TRIM65: variants seen among roughly 807,000 people sequenced by gnomAD.
The protein encoded by TRIM65 is tripartite motif containing 65.
A neutral mutation model predicts 36.1 loss-of-function variants in TRIM65; 46 were observed. That is an observed-to-expected ratio of 1.27 (90% CI 1.01 to 1.63). TRIM65 has a LOEUF of 1.63. Among genes scored for constraint, TRIM65 ranks in the 40% most tolerant of loss-of-function variants. The probability of loss-of-function intolerance (pLI) is 0.00; values close to 1 mark genes in which losing one functional copy is unlikely to be tolerated. For missense variants in TRIM65, 708 were observed against 696.6 expected (o/e 1.02, Z -0.18); for synonymous variants, 346 against 313.6 (o/e 1.10, Z -1.09).
rs757066892 is a variant in TRIM65, at chr17:75,890,949, G to C, written c.1384C>G (p.Leu462Val). 7.7e-6 allele frequency: 12 copies of C among 1,557,208 alleles called. No individual in the cohort carries two copies. Among genetic ancestry groups the C allele is most frequent in the African/African-American group, 2.7e-5 (2 of 73,204 alleles). ...GMDLDLASGC[L>V]TFYSLEPQTQ... is the part of the protein sequence containing the mutation. The stretch of plus-strand genomic sequence containing the variant: ...TGGGGCTCCAGGCTGTAGAAGGTGA[G>C]GCAGCCTGAGGCCAGGTCCAAATCC... Residue 462 changes from leucine to valine, a missense_variant, in exon 6 of 6, where the codon CTC becomes GTC. Coordinates refer to ENST00000269383, the MANE Select transcript of TRIM65 (RefSeq NM_173547.4).
downstream of TRIM65, among the ~76,000 whole-genome samples, chr17:75,888,673 G>A (rs1380656595): frequency 2.6e-5 from 4 of 152,206 alleles, no homozygotes; most frequent in African/African-American, 4.8e-5. Context: ...GCCCCTAGCT[G>A]GTCAGCAAGG....
chr17:75,893,031 G>A (rs779636211), intron 1 of TRIM65, among the ~76,000 whole-genome samples, 181 bp from the exon 2 acceptor site: 2 of 152,084 alleles, frequency 1.3e-5, no homozygotes, highest in African/African-American at 2.4e-5. Flanking sequence ...TGCCCCGGGG[G>A]GGTCCAGACA....
In TRIM65 at chr17:75,896,750, T is replaced by C. The variant is rs1256281792; in HGVS notation, c.188A>G (p.Asn63Ser). 10 of 1,483,254 alleles carry C rather than the reference T, an allele frequency of 6.7e-6. No individual in the cohort carries two copies. Among genetic ancestry groups the C allele is most frequent in the Non-Finnish European group, 8.9e-6 (10 of 1,122,196 alleles). The allele number at this position is 1,483,254 out of a possible 1,614,324, so 91.9% of individuals were successfully genotyped here. The change falls in exon 1 of 6, where the codon AAC (asparagine) becomes AGC (serine). Residue 63 changes from asparagine (N) to serine (S), a missense_variant. Physicochemically the swap from Asn to Ser is conservative, Grantham distance 46. Transcript: ENST00000269383. ...CTCCAGCACGCCGCTGAGGGCCACG[T>C]TGCGGCGCAGCTCGGCGCCGTCGGG... Reference protein sequence around the residue: ...PFPDGAELRRNVALSGVLEVV... With the variant: ...PFPDGAELRRSVALSGVLEVV...
At chr17:75,880,718 CCTCT>C (rs1163153013) in intron 4 of TRIM65, 2 of 150,302 alleles carry the variant, frequency 1.3e-5, no homozygotes, top group Admixed American at 6.6e-5. Flanking sequence ...TGTTCCTGGC[CCTCT>C]CTGTGTTCCA....
chr17:75,891,968 G>C (rs1200619796), intron 4 of TRIM65, 43 bp downstream of exon 4: 1 of 1,556,044 alleles, frequency 6.4e-7, no homozygotes, highest in Non-Finnish European at 8.7e-7. Context: ...GGGAGGGGCA[G>C]CTGGACCCAG....
chr17:75,884,666 T>G (rs975276066), downstream of TRIM65, among the ~76,000 whole-genome samples: 7 of 152,168 alleles, frequency 4.6e-5, no homozygotes, highest in African/African-American at 1.7e-4. Flanking sequence ...TTGCCCAGGC[T>G]GGAGTTCAGT....
At position 75,889,884 on chromosome 17, in the gene TRIM65, G is replaced by C. The variant is rs537539855; in HGVS notation, c.*895C>G. 1 of 151,978 alleles carries C rather than the reference G, an allele frequency of 6.6e-6. No homozygotes were observed. The highest frequency in any genetic ancestry group is 2.4e-5 in the African/African-American group (1 of 41,366). The allele number at this position is 151,978 out of a possible 1,614,324, so 9.4% of individuals were successfully genotyped here. A position where few individuals can be genotyped will look rare whatever the true frequency, so the allele number is the denominator to read the frequency against. On this transcript the variant is annotated 3_prime_UTR_variant, in exon 6 of 6. Transcript: ENST00000269383. ...AGGAGAATCCCATGAGCCCATGACC[G>C]CACCCCTGCACACCAGCCTGGGTGA...
At chr17:75,892,574 G>A (rs1408121059) in intron 2 of TRIM65, 74 bp from the exon 3 acceptor site, 9 of 1,413,350 alleles carry the variant, frequency 6.4e-6, no homozygotes, top group South Asian at 1.3e-5. Flanking sequence ...GGCCAGGGCT[G>A]CCTGCTGGGC....
downstream of TRIM65, among the ~76,000 whole-genome samples, chr17:75,888,533 C>T (rs1202989159): frequency 7.2e-5 from 11 of 152,298 alleles, no homozygotes; most frequent in East Asian, 1.2e-3. Flanking sequence ...CCTTTCAGAG[C>T]GCGGCTCAGC....
chr17:75,884,496 A>G (rs955965449), downstream of TRIM65, among the ~76,000 whole-genome samples: 1 of 152,208 alleles, frequency 6.6e-6, no homozygotes, highest in Non-Finnish European at 1.5e-5. Flanking sequence ...GGCTTATAAC[A>G]AAAACTAGTA....
chr17:75,888,621 G>T (rs1427522468), downstream of TRIM65, among the ~76,000 whole-genome samples: 1 of 152,210 alleles, frequency 6.6e-6, no homozygotes, highest in Non-Finnish European at 1.5e-5. Context: ...ATCTGGCCAG[G>T]CCAATACATC....
Position 75,889,281 on chromosome 17 carries a change from C to T in TRIM65, c.*1498G>A, listed in dbSNP as rs1342671146. 1.3e-5 allele frequency: 2 copies of T among 152,272 alleles called. No individual in the cohort carries two copies. Among genetic ancestry groups the T allele is most frequent in the East Asian group, 1.9e-4 (1 of 5,188 alleles). The allele number at this position is 152,272 out of a possible 1,614,324, so 9.4% of individuals were successfully genotyped here. A position where few individuals can be genotyped will look rare whatever the true frequency, so the allele number is the denominator to read the frequency against. On this transcript the variant is annotated 3_prime_UTR_variant, in exon 6 of 6. Coordinates refer to ENST00000269383, the MANE Select transcript of TRIM65 (RefSeq NM_173547.4). ...TTGTTGGCCAGGCTGGTCTCGAACT[C>T]CTGACCTTGTGATCCGCCTGCCTCG...
chr17:75,896,179 C>T (rs1034480138), intron 1 of TRIM65, among the ~76,000 whole-genome samples: 2 of 152,198 alleles, frequency 1.3e-5, no homozygotes, highest in Non-Finnish European at 2.9e-5. Flanking sequence ...CCTCAGCCTC[C>T]CGAGTAGATG....
chr17:75,879,538 G>GC (rs2065156937), downstream of TRIM65: 1 of 150,746 alleles, frequency 6.6e-6, no homozygotes, highest in African/African-American at 2.5e-5. Context: ...ATCTAATTAT[G>GC]CACTTAAAGT....
chr17:75,896,524 C>T lies in TRIM65; in HGVS notation c.414G>A (p.Glu138=). The stretch of plus-strand genomic sequence containing the variant: ...CTCCCGCTCCCGGCGGATGCGTCAC[C>T]TCGCGCTTGAGGCGCTCGGCATCCA... ...ALLDAERLKR[E]AQLRASLEVT... The change falls in exon 1 of 6, where the codon GAG becomes GAA. Residue 138 remains glutamate (E), a splice_region_variant and synonymous_variant. Coordinates refer to ENST00000269383, the MANE Select transcript of TRIM65 (RefSeq NM_173547.4). 1 of 1,326,472 alleles carries T rather than the reference C, an allele frequency of 7.5e-7. No individual in the cohort carries two copies. The highest frequency in any genetic ancestry group is 3.1e-5 in the East Asian group (1 of 31,988). 82.2% of individuals were successfully genotyped at this position (1,326,472 alleles called of 1,614,324 possible).
chr17:75,886,537 A>C (rs919276942), downstream of TRIM65, among the ~76,000 whole-genome samples: 8 of 151,646 alleles, frequency 5.3e-5, no homozygotes, highest in South Asian at 4.2e-4. Flanking sequence ...AAAAAAAAAA[A>C]AAAAACCAAA....
rs553095123 is a variant in TRIM65 at position 75,890,458 on chromosome 17, C to G, written c.*321G>C. On this transcript the variant is annotated 3_prime_UTR_variant, in exon 6 of 6. Transcript: ENST00000269383. The stretch of plus-strand genomic sequence containing the variant: ...TCTCCAGAGGCAAGTTCAGGTAGAT[C>G]TGAATTTTGTCACACACGCTGTCCT... 255 of 221,596 alleles carry G rather than the reference C, an allele frequency of 1.2e-3. 1 individual carries two copies. The highest frequency in any genetic ancestry group is 1.8e-3 in the Non-Finnish European group (207 of 114,868). 13.7% of individuals were successfully genotyped at this position (221,596 alleles called of 1,614,324 possible). A position where few individuals can be genotyped will look rare whatever the true frequency, so the allele number is the denominator to read the frequency against.
At position 75,891,014 on chromosome 17, in the gene TRIM65, G is replaced by C; in HGVS notation, c.1319C>G (p.Ala440Gly). The C allele has an allele frequency of 6.2e-7, 1 of 1,604,414 alleles. No homozygotes were observed. Among genetic ancestry groups the C allele is most frequent in the South Asian group, 1.1e-5 (1 of 89,906 alleles). The change falls in exon 6 of 6, where the codon GCC becomes GGC. Residue 440 changes from alanine to glycine, a missense_variant. Ala to Gly is a moderately conservative substitution (Grantham distance 60). Coordinates refer to ENST00000269383, the MANE Select transcript of TRIM65 (RefSeq NM_173547.4). ...CCCTGACACCCCTGGGAGGCGCTGG[G>C]CTTCCCCGTTGTGCCAGGCCTGGAG... ...DSLQAWHNGE[A>G]QRLPGVSGRL... is the part of the protein sequence containing the mutation.
At chr17:75,888,170 TAAATAAATAAATAAATAA>T (rs1567840722), downstream of TRIM65, among the ~76,000 whole-genome samples, 9 of 109,646 alleles carry the variant, frequency 8.2e-5, no homozygotes, top group Non-Finnish European at 1.5e-4. Context: ...AATATATAAA[TAAATAAATAAATAAATAA>T]ATAAATAAAT....
Sources: allele counts gnomAD v4.1 joint callset (sites outside exome capture counted in the v4.1 genomes callset), GRCh38; gene constraint gnomAD v4.1.1; transcripts MANE v1.5; gene names NCBI Gene and HGNC (gene_info 2026-07-23, HGNC 2026-07-21).